Variants in GPR39 observed in about 807,000 individuals in gnomAD.
GPR39 encodes the protein G protein-coupled receptor 39, also known as zinc sensing receptor.
In GPR39, 23 loss-of-function variants were observed where a neutral mutation model predicts 18.4. The observed-to-expected ratio is 1.25, with a 90% confidence interval of 0.90 to 1.77. The LOEUF is 1.77. Ranked by LOEUF, GPR39 falls within the 40% of genes most tolerant of loss-of-function variation. The pLI, the probability that GPR39 is intolerant of heterozygous loss-of-function variation, is 0.00. For missense variants in GPR39, 647 were observed against 602.4 expected (o/e 1.07, Z -0.78); for synonymous variants, 280 against 257.9 (o/e 1.09, Z -0.82).
At position 132,417,533 on chromosome 2, in the gene GPR39, C is replaced by T; in HGVS notation, c.491C>T (p.Ala164Val). The T allele has an allele frequency of 1.2e-6, 2 of 1,614,188 alleles. No homozygotes were observed. Among genetic ancestry groups the T allele is most frequent in the South Asian group, 1.1e-5 (1 of 91,072 alleles). Residue 164 changes from alanine to valine, a missense_variant, in exon 1 of 2, where the codon GCC becomes GTC. This residue lies in a region of GPR39 where 581 missense variants were observed against 506.8 expected (regional missense o/e 1.15). Coordinates refer to ENST00000329321, the MANE Select transcript of GPR39 (RefSeq NM_001508.3). Reference sequence around the variant, plus strand: ...ATTGGCTTCGTCTGGGTCACCTCCGCCCTGGTGGCACTGCCCTTGCTGTTT... The same window carrying T: ...ATTGGCTTCGTCTGGGTCACCTCCGTCCTGGTGGCACTGCCCTTGCTGTTT... ...LLIGFVWVTS[A>V]LVALPLLFAM...
At chr2:132,534,529 C>T (rs982155817) in intron 1 of GPR39, among the ~76,000 whole-genome samples, 1 of 148,938 alleles carries the variant, frequency 6.7e-6, no homozygotes, top group Non-Finnish European at 1.5e-5. Context: ...GCTATGAAGA[C>T]ACATGCACAC....
intron 1 of GPR39, among the ~76,000 whole-genome samples, chr2:132,611,816 T>C (rs1466668953): frequency 6.6e-6 from 1 of 152,196 alleles, no homozygotes; most frequent in African/African-American, 2.4e-5. Context: ...GTAATTTCCT[T>C]CTGTGGGCAT....
intron 1 of GPR39, among the ~76,000 whole-genome samples, chr2:132,586,687 A>G (rs1162524191): frequency 6.6e-6 from 1 of 152,232 alleles, no homozygotes; most frequent in Non-Finnish European, 1.5e-5. Flanking sequence ...CTTTAAGCTT[A>G]TAATTAGAGA....
At chr2:132,586,230 A>C (rs887237188) in intron 1 of GPR39, among the ~76,000 whole-genome samples, 2 of 152,066 alleles carry the variant, frequency 1.3e-5, no homozygotes, top group African/African-American at 4.8e-5. Flanking sequence ...GAGCAACAAA[A>C]AGCCATTCAC....
At chr2:132,584,657 G>A (rs1680691932) in intron 1 of GPR39, among the ~76,000 whole-genome samples, 1 of 152,112 alleles carries the variant, frequency 6.6e-6, no homozygotes, top group Non-Finnish European at 1.5e-5. Flanking sequence ...TTTCCAAAGG[G>A]AAGATGAAAG....
intron 1 of GPR39, among the ~76,000 whole-genome samples, chr2:132,615,113 C>A (rs1233812045): frequency 6.6e-6 from 1 of 152,130 alleles, no homozygotes; most frequent in African/African-American, 2.4e-5. Flanking sequence ...TTGGGAGGTG[C>A]ATTTTTAAGT....
At chr2:132,514,492 C>T (rs1679295746) in intron 1 of GPR39, among the ~76,000 whole-genome samples, 1 of 152,192 alleles carries the variant, frequency 6.6e-6, no homozygotes, top group Non-Finnish European at 1.5e-5. Context: ...CCTCACCCCT[C>T]CTTGAGGTGT....
At chr2:132,525,997 A>G (rs912835223) in intron 1 of GPR39, among the ~76,000 whole-genome samples, 2 of 152,142 alleles carry the variant, frequency 1.3e-5, no homozygotes, top group Admixed American at 6.6e-5. Context: ...TTCTAGGAAA[A>G]CAGACCAAAT....
intron 1 of GPR39, among the ~76,000 whole-genome samples, chr2:132,575,707 T>C (rs1215096409): frequency 6.6e-6 from 1 of 152,214 alleles, no homozygotes; most frequent in African/African-American, 2.4e-5. Flanking sequence ...GCTAATGATA[T>C]TGAATGTCCT....
chr2:132,532,462 A>T (rs1173563638), intron 1 of GPR39, among the ~76,000 whole-genome samples: 3 of 152,206 alleles, frequency 2.0e-5, no homozygotes, highest in Non-Finnish European at 2.9e-5. Flanking sequence ...TCCAATCAAT[A>T]GAAAAAGAGG....
chr2:132,570,656 C>T (rs1057458131), intron 1 of GPR39, among the ~76,000 whole-genome samples: 6 of 152,204 alleles, frequency 3.9e-5, no homozygotes, highest in African/African-American at 1.4e-4. Flanking sequence ...GAAGAATTGT[C>T]CAGATCCGCT....
intron 1 of GPR39, among the ~76,000 whole-genome samples, chr2:132,635,202 A>G (rs1327021113): frequency 6.6e-6 from 1 of 152,104 alleles, no homozygotes; most frequent in African/African-American, 2.4e-5. Context: ...CTTCAAATGG[A>G]TTCCATAGAG....
chr2:132,493,184 A>G (rs1017011925), intron 1 of GPR39, among the ~76,000 whole-genome samples: 2 of 141,900 alleles, frequency 1.4e-5, no homozygotes, highest in African/African-American at 2.7e-5. Context: ...TATATACACC[A>G]TATATATACA....
At chr2:132,578,339 AT>A (rs1474165533) in intron 1 of GPR39, among the ~76,000 whole-genome samples, 2 of 152,096 alleles carry the variant, frequency 1.3e-5, no homozygotes, top group African/African-American at 4.8e-5. Context: ...TTTTAGTTAT[AT>A]TTTTTGTATT....
At chr2:132,541,136 T>G (rs1679853745) in intron 1 of GPR39, among the ~76,000 whole-genome samples, 1 of 152,120 alleles carries the variant, frequency 6.6e-6, no homozygotes, top group South Asian at 2.1e-4. Flanking sequence ...CAGGCTGGAG[T>G]GCAGTGGCAC....
intron 1 of GPR39, among the ~76,000 whole-genome samples, chr2:132,431,939 C>A (rs1187832548): frequency 6.6e-6 from 1 of 152,326 alleles, no homozygotes; most frequent in Non-Finnish European, 1.5e-5. Flanking sequence ...AAGGTGTCAG[C>A]AGGACCTTAG....
intron 1 of GPR39, among the ~76,000 whole-genome samples, chr2:132,593,208 C>A (rs971407336): frequency 1.4e-4 from 21 of 152,186 alleles, no homozygotes; most frequent in African/African-American, 5.1e-4. Flanking sequence ...CTCACCTAAG[C>A]TTCAGTGGCC....
chr2:132,488,082 A>ACC (rs1390816102), intron 1 of GPR39, among the ~76,000 whole-genome samples: 1 of 152,152 alleles, frequency 6.6e-6, no homozygotes, highest in African/African-American at 2.4e-5. Flanking sequence ...TTCCATTTTG[A>ACC]CCAGTGGGGA....
intron 1 of GPR39, among the ~76,000 whole-genome samples, chr2:132,522,352 G>GCC (rs1679440203): frequency 6.6e-6 from 1 of 152,144 alleles, no homozygotes; most frequent in South Asian, 2.1e-4. Context: ...CCTCCCTACA[G>GCC]CCCCCTTGAG....
Sources: allele counts gnomAD v4.1 joint callset (sites outside exome capture counted in the v4.1 genomes callset), GRCh38; gene constraint gnomAD v4.1.1; regional missense constraint gnomAD v4.1.1; transcripts MANE v1.5; gene names NCBI Gene and HGNC (gene_info 2026-07-23, HGNC 2026-07-21).